TMEM74: variants seen among roughly 807,000 people sequenced by gnomAD.
TMEM74 encodes transmembrane protein 74.
TMEM74 carries 13 observed loss-of-function variants against 18.1 expected under a neutral mutation model. The observed-to-expected ratio is 0.72, with a 90% CI of 0.47 to 1.14. The LOEUF is 1.14. Ranked by LOEUF, TMEM74 falls within the 50% of genes most tolerant of loss-of-function variation. TMEM74 has a pLI of 0.00. For missense variants in TMEM74, 372 were observed against 375.9 expected, an observed-to-expected ratio of 0.99 and a Z score of 0.09; for synonymous variants, 159 against 146.6, an observed-to-expected ratio of 1.08 and a Z score of -0.61.
chr8:108,767,188 C>A (rs1003254907), intron 1 of TMEM74, among the ~76,000 whole-genome samples: 4 of 152,170 alleles, frequency 2.6e-5, no homozygotes, highest in Non-Finnish European at 4.4e-5. Context: ...AATTTCCTTT[C>A]ATCTATACAC....
chr8:108,623,018 C>T (rs573696526), intron 2 of TMEM74, among the ~76,000 whole-genome samples: 1 of 152,032 alleles, frequency 6.6e-6, no homozygotes, highest in Admixed American at 6.6e-5. Context: ...GGCAGAAAAA[C>T]TATGGTGGTG....
chr8:108,786,109 T>A (rs1171006270), intron 1 of TMEM74, among the ~76,000 whole-genome samples: 1 of 152,160 alleles, frequency 6.6e-6, no homozygotes, highest in Non-Finnish European at 1.5e-5. Flanking sequence ...AGTGAACTGA[T>A]AATAAAAGAC....
intron 2 of TMEM74, among the ~76,000 whole-genome samples, chr8:108,616,890 C>A (rs1261073321): frequency 1.3e-5 from 2 of 151,570 alleles, no homozygotes; most frequent in South Asian, 2.1e-4. Context: ...AATAAAGATA[C>A]CTGGAGTTGG....
At chr8:108,681,116 C>T (rs978396019) in intron 1 of TMEM74, among the ~76,000 whole-genome samples, 2 of 152,132 alleles carry the variant, frequency 1.3e-5, no homozygotes, top group Admixed American at 6.5e-5. Context: ...GATTCAATGC[C>T]ATCCCCATTA....
At chr8:108,674,540 T>G (rs769169942) in intron 1 of TMEM74, among the ~76,000 whole-genome samples, 38 of 152,232 alleles carry the variant, frequency 2.5e-4, no homozygotes, top group Non-Finnish European at 4.4e-4. Flanking sequence ...GTCTGAAGAT[T>G]CAGCCTCATG....
rs560979145 is a variant in TMEM74, at chr8:108,743,298, A to G, written n.119+44178T>C. On this transcript the variant is annotated intron_variant and non_coding_transcript_variant, in intron 1 of 3. Coordinates refer to the TMEM74 transcript ENST00000518838. ...TTTCTCTTAAGAAAGTACACTGACA[A>G]TATTCCCACTGAATTTATTTAGCTC... is the stretch of plus-strand genomic sequence containing the variant. 2.6e-5 allele frequency among the ~76,000 whole-genome samples: 4 copies of G among 152,304 alleles called. No individual in the cohort carries two copies. In the South Asian group the frequency reaches 6.2e-4, roughly 24 times the overall value.
intron 2 of TMEM74, among the ~76,000 whole-genome samples, chr8:108,642,112 G>A (rs1812671020): frequency 6.6e-6 from 1 of 151,422 alleles, no homozygotes; most frequent in Admixed American, 6.6e-5. Context: ...AAATATATGT[G>A]TTCAGGCCAG....
chr8:108,635,597 C>T (rs969539268), intron 2 of TMEM74, among the ~76,000 whole-genome samples: 6 of 152,080 alleles, frequency 3.9e-5, no homozygotes, highest in African/African-American at 1.4e-4. Context: ...ACCTCGCCAA[C>T]ACTGGGTTTA....
intron 1 of TMEM74, among the ~76,000 whole-genome samples, chr8:108,743,641 G>A (rs1275691946): frequency 6.6e-6 from 1 of 151,992 alleles, no homozygotes; most frequent in African/African-American, 2.4e-5. Context: ...ATGGTTTGTC[G>A]TATTTTAGAT....
At chr8:108,719,251 G>A (rs1484776225) in intron 1 of TMEM74, among the ~76,000 whole-genome samples, 11 of 152,060 alleles carry the variant, frequency 7.2e-5, no homozygotes. Context: ...AGATCTTTAT[G>A]TTGTTTACTT....
intron 1 of TMEM74, among the ~76,000 whole-genome samples, chr8:108,750,140 CTT>C (rs769026138): frequency 6.6e-6 from 1 of 152,102 alleles, no homozygotes; most frequent in African/African-American, 2.4e-5. Context: ...AGTTTGAAAA[CTT>C]TGAAAATCCA....
intron 2 of TMEM74, among the ~76,000 whole-genome samples, chr8:108,610,258 T>C (rs1489056872): frequency 6.6e-6 from 1 of 152,016 alleles, no homozygotes; most frequent in East Asian, 1.9e-4. Flanking sequence ...TTCCCCGAGA[T>C]GGGGGGAGAT....
chr8:108,664,200 G>A (rs1258116989), intron 1 of TMEM74, among the ~76,000 whole-genome samples: 1 of 151,784 alleles, frequency 6.6e-6, no homozygotes, highest in African/African-American at 2.4e-5. Flanking sequence ...CACTGAAGCT[G>A]TACATTCCTT....
At chr8:108,649,577 A>G (rs1409105139) in intron 2 of TMEM74, among the ~76,000 whole-genome samples, 2 of 152,186 alleles carry the variant, frequency 1.3e-5, no homozygotes, top group Non-Finnish European at 2.9e-5. Context: ...GGTCGGTGCA[A>G]AAGTAATTGC....
intron 1 of TMEM74, among the ~76,000 whole-genome samples, chr8:108,676,754 C>T (rs181529393): frequency 5.8e-4 from 89 of 152,226 alleles, no homozygotes; most frequent in Admixed American, 1.2e-3. Context: ...CCTATCTCAA[C>T]GAAAATCTCA....
intron 2 of TMEM74, among the ~76,000 whole-genome samples, chr8:108,641,268 C>A (rs1204075532): frequency 2.0e-5 from 3 of 152,062 alleles, no homozygotes; most frequent in Non-Finnish European, 4.4e-5. Context: ...GTTGTAATAA[C>A]AATATATACT....
intron 2 of TMEM74, among the ~76,000 whole-genome samples, chr8:108,639,132 G>A (rs1244079226): frequency 6.6e-6 from 1 of 152,100 alleles, no homozygotes; most frequent in African/African-American, 2.4e-5. Context: ...AGCCCTTACT[G>A]AGATCAGCCA....
At chr8:108,717,699 T>A (rs1432971532) in intron 1 of TMEM74, among the ~76,000 whole-genome samples, 1 of 151,932 alleles carries the variant, frequency 6.6e-6, no homozygotes, top group Non-Finnish European at 1.5e-5. Context: ...GGAATGGTCA[T>A]GTGGGGATTT....
chr8:108,623,548 A>G (rs986677054), intron 2 of TMEM74, among the ~76,000 whole-genome samples: 1 of 152,084 alleles, frequency 6.6e-6, no homozygotes, highest in Non-Finnish European at 1.5e-5. Context: ...TTACACTTGT[A>G]TATAATTAGT....
Sources: allele counts gnomAD v4.1 joint callset (sites outside exome capture counted in the v4.1 genomes callset), GRCh38; gene constraint gnomAD v4.1.1; transcripts MANE v1.5; gene names NCBI Gene and HGNC (gene_info 2026-07-23, HGNC 2026-07-21).